The following NPAS3 variants were observed in gnomAD, a reference collection of about 807,000 sequenced individuals.
NPAS3 encodes the protein neuronal PAS domain protein 3.
In NPAS3, 14 loss-of-function variants were observed where a neutral mutation model predicts 73.1. That is an observed-to-expected ratio of 0.19 (90% confidence interval 0.13 to 0.30). The LOEUF (loss-of-function observed/expected upper bound fraction) is 0.30, where lower values mean the gene tolerates loss of function less well. Among genes scored for constraint, NPAS3 ranks in the 10% least tolerant of loss-of-function variants. NPAS3 has a pLI of 1.00. For missense variants in NPAS3, 1,096 were observed against 1,250.0 expected (o/e 0.88, Z 1.86); for synonymous variants, 620 against 541.5 (o/e 1.14, Z -2.01).
intron 6 of NPAS3, among the ~76,000 whole-genome samples, chr14:33,733,172 G>A (rs777099597): frequency 7.9e-5 from 12 of 152,086 alleles, no homozygotes; most frequent in African/African-American, 1.2e-4. Context: ...ATGGCTTCAC[G>A]TTAGTTCAAG....
chr14:33,424,255 C>T (rs533564204), intron 4 of NPAS3, among the ~76,000 whole-genome samples: 12 of 152,016 alleles, frequency 7.9e-5, no homozygotes, highest in South Asian at 2.1e-4. Context: ...ATAGCATGTG[C>T]GGGGGCCCAG....
chr14:33,043,281 T>C (rs182735195), intron 1 of NPAS3, among the ~76,000 whole-genome samples: 1 of 152,252 alleles, frequency 6.6e-6, no homozygotes, highest in African/African-American at 2.4e-5. Context: ...CTATTTATTA[T>C]TGAAATGCTA....
intron 1 of NPAS3, among the ~76,000 whole-genome samples, chr14:32,994,744 G>A (rs757632166): frequency 1.3e-5 from 2 of 150,440 alleles, no homozygotes; most frequent in Non-Finnish European, 2.9e-5. Flanking sequence ...CAATTCTCCT[G>A]CCTTGGCCTC....
At chr14:33,756,356 A>G (rs745964044) in intron 7 of NPAS3, among the ~76,000 whole-genome samples, 10 of 152,210 alleles carry the variant, frequency 6.6e-5, no homozygotes, top group Non-Finnish European at 1.2e-4. Context: ...TTCACGAAGT[A>G]ACTAACCCCC....
chr14:33,654,816 T>C (rs1403755503), intron 5 of NPAS3, among the ~76,000 whole-genome samples: 3 of 151,980 alleles, frequency 2.0e-5, no homozygotes, highest in Admixed American at 1.3e-4. Flanking sequence ...TCACAGGGAG[T>C]GGATGCCAGG....
chr14:33,657,677 G>A lies in NPAS3; in HGVS notation c.559-18534G>A, dbSNP rs80136104. ...TTACTATTAATACTTCCCTAGACCCGGTTGCTGGTGACTCAACACTATGCT... is the reference window on the plus strand; with the variant it reads ...TTACTATTAATACTTCCCTAGACCCAGTTGCTGGTGACTCAACACTATGCT... On this transcript the variant is annotated intron_variant, in intron 5 of 11. Coordinates refer to ENST00000356141, the Ensembl canonical transcript of NPAS3. 5.4e-3 allele frequency among the ~76,000 whole-genome samples: 816 copies of A among 152,256 alleles called. 5 individuals are homozygous for A. Among genetic ancestry groups the A allele is most frequent in the African/African-American group, 0.018 (766 of 41,536 alleles).
chr14:33,446,166 C>CTTTTTTTTTTTTTTT (rs71118544), intron 4 of NPAS3, among the ~76,000 whole-genome samples: 3 of 120,002 alleles, frequency 2.5e-5, no homozygotes, highest in African/African-American at 9.5e-5. Context: ...TTCATGCTTT[C>CTTTTTTTTTTTTTTT]TTTTTTTTTT....
At chr14:33,405,068 T>C (rs1255384781) in intron 4 of NPAS3, among the ~76,000 whole-genome samples, 1 of 152,110 alleles carries the variant, frequency 6.6e-6, no homozygotes, top group East Asian at 1.9e-4. Context: ...ACCAGTTGAT[T>C]TCTGCAGAAA....
At chr14:33,647,231 G>T (rs2058855222) in intron 5 of NPAS3, among the ~76,000 whole-genome samples, 1 of 151,412 alleles carries the variant, frequency 6.6e-6, no homozygotes, top group Non-Finnish European at 1.5e-5. Flanking sequence ...AGCACAGTAA[G>T]CAATTTCATA....
At chr14:33,598,651 T>A (rs913196570) in intron 5 of NPAS3, among the ~76,000 whole-genome samples, 6 of 152,252 alleles carry the variant, frequency 3.9e-5, no homozygotes, top group African/African-American at 1.4e-4. Flanking sequence ...GACTTTATTG[T>A]ATGCTAACTT....
At chr14:32,975,307 T>TTCCTCCCTCCCTCCCTTCCTCC (rs71118521) in intron 1 of NPAS3, among the ~76,000 whole-genome samples, 6 of 146,180 alleles carry the variant, frequency 4.1e-5, no homozygotes, top group South Asian at 4.5e-4. Context: ...CCTCCCTCCC[T>TTCCTCCCTCCCTCCCTTCCTCC]GCCTCCGTCA....
At chr14:33,521,887 C>T (rs1022731982) in intron 4 of NPAS3, among the ~76,000 whole-genome samples, 6 of 152,102 alleles carry the variant, frequency 3.9e-5, no homozygotes, top group East Asian at 1.9e-4. Context: ...GACTTGCCGC[C>T]GGAGCTTTTC....
intron 3 of NPAS3, among the ~76,000 whole-genome samples, chr14:33,338,240 ATCT>A (rs1431473870): frequency 2.6e-5 from 4 of 152,224 alleles, no homozygotes; most frequent in African/African-American, 9.6e-5. Flanking sequence ...TTTAATGATA[ATCT>A]TCTGTCTAAG....
chr14:33,686,325 G>C (rs1221526421), intron 6 of NPAS3, among the ~76,000 whole-genome samples: 1 of 152,222 alleles, frequency 6.6e-6, no homozygotes, highest in Non-Finnish European at 1.5e-5. Flanking sequence ...GAGCTGGGGT[G>C]CCAGGGTAAA....
At chr14:32,955,369 T>G (rs1189064972) in intron 1 of NPAS3, among the ~76,000 whole-genome samples, 1 of 152,156 alleles carries the variant, frequency 6.6e-6, no homozygotes, top group Admixed American at 6.5e-5. Context: ...ATGGGACTAC[T>G]TATGTAACTT....
At chr14:32,953,731 C>T (rs1409495263) in intron 1 of NPAS3, among the ~76,000 whole-genome samples, 2 of 152,034 alleles carry the variant, frequency 1.3e-5, no homozygotes, top group African/African-American at 2.4e-5. Context: ...TTATCTGAGC[C>T]CCAGTTCCCA....
At chr14:32,944,902 T>C (rs992083875) in intron 1 of NPAS3, among the ~76,000 whole-genome samples, 2 of 152,224 alleles carry the variant, frequency 1.3e-5, no homozygotes, top group African/African-American at 2.4e-5. Flanking sequence ...GAAGATCTTA[T>C]GTTACTATGG....
At chr14:33,077,210 G>A (rs930123106) in intron 2 of NPAS3, among the ~76,000 whole-genome samples, 1 of 152,140 alleles carries the variant, frequency 6.6e-6, no homozygotes, top group African/African-American at 2.4e-5. Flanking sequence ...AAGACCTAGA[G>A]GTGGGGTCAG....
At chr14:32,935,501 C>T (rs1280313969), upstream of NPAS3, among the ~76,000 whole-genome samples, 1 of 152,146 alleles carries the variant, frequency 6.6e-6, no homozygotes, top group Non-Finnish European at 1.5e-5. Context: ...TATCATGTCA[C>T]CTGTTACTAC....
Sources: allele counts gnomAD v4.1 joint callset (sites outside exome capture counted in the v4.1 genomes callset), GRCh38; gene constraint gnomAD v4.1.1; transcripts MANE v1.5; gene names NCBI Gene and HGNC (gene_info 2026-07-23, HGNC 2026-07-21).